Variants in LRRC4C observed in about 807,000 individuals in gnomAD.
LRRC4C encodes leucine rich repeat containing 4C.
LRRC4C carries 5 observed loss-of-function variants against 33.6 expected under a neutral mutation model. That is an observed-to-expected ratio of 0.15 (90% CI 0.08 to 0.31). The LOEUF (loss-of-function observed/expected upper bound fraction) is 0.31. Ranked by LOEUF, LRRC4C falls within the 10% of genes least tolerant of loss-of-function variation. The probability of loss-of-function intolerance (pLI) is 1.00; values close to 1 mark genes in which losing one functional copy is unlikely to be tolerated. For synonymous variants in LRRC4C, 329 were observed against 302.0 expected, an observed-to-expected ratio of 1.09 and a Z score of -0.93; for missense variants, 560 against 796.7, an observed-to-expected ratio of 0.70 and a Z score of 3.58.
chr11:40,467,536 T>C (rs1952710888), intron 3 of LRRC4C, among the ~76,000 whole-genome samples: 1 of 152,172 alleles, frequency 6.6e-6, no homozygotes, highest in African/African-American at 2.4e-5. Flanking sequence ...CTAGGCAAAG[T>C]AGTCTAGACA....
At chr11:41,333,183 C>A (rs1565589310) in intron 1 of LRRC4C, among the ~76,000 whole-genome samples, 1 of 152,100 alleles carries the variant, frequency 6.6e-6, no homozygotes, top group Non-Finnish European at 1.5e-5. Context: ...AAAATATTTT[C>A]TCTAAATGCT....
chr11:40,930,297 T>C (rs1237646228), intron 2 of LRRC4C, among the ~76,000 whole-genome samples: 1 of 152,196 alleles, frequency 6.6e-6, no homozygotes, highest in Non-Finnish European at 1.5e-5. Flanking sequence ...GATTTCACTT[T>C]TTCTTTCTTA....
chr11:41,016,725 G>C (rs954305568), intron 1 of LRRC4C, among the ~76,000 whole-genome samples: 4 of 152,112 alleles, frequency 2.6e-5, no homozygotes, highest in African/African-American at 7.2e-5. Context: ...TCAGCCTGGA[G>C]AATCAGAGGT....
At chr11:41,310,539 T>G (rs930643481) in intron 1 of LRRC4C, among the ~76,000 whole-genome samples, 1 of 152,248 alleles carries the variant, frequency 6.6e-6, no homozygotes, top group Non-Finnish European at 1.5e-5. Flanking sequence ...CAAATTACAG[T>G]ACATTCCTTT....
chr11:40,147,396 A>G (rs1857828930), intron 5 of LRRC4C, among the ~76,000 whole-genome samples: 1 of 152,024 alleles, frequency 6.6e-6, no homozygotes, highest in African/African-American at 2.4e-5. Context: ...TTTTATTATA[A>G]CTATCCAATC....
chr11:40,395,114 A>C (rs1298546115), intron 3 of LRRC4C, among the ~76,000 whole-genome samples: 5 of 152,178 alleles, frequency 3.3e-5, no homozygotes, highest in Non-Finnish European at 1.5e-5. Context: ...TCTTTAAACA[A>C]TGCAACCTCA....
intron 3 of LRRC4C, among the ~76,000 whole-genome samples, chr11:40,622,066 A>C (rs1001889578): frequency 6.6e-6 from 1 of 151,826 alleles, no homozygotes; most frequent in Non-Finnish European, 1.5e-5. Context: ...TTTTACTGAC[A>C]AAGTAACTAA....
chr11:41,332,187 G>C (rs948907557), intron 1 of LRRC4C, among the ~76,000 whole-genome samples: 5 of 152,056 alleles, frequency 3.3e-5, no homozygotes, highest in Admixed American at 6.6e-5. Flanking sequence ...TTTAGGATTA[G>C]AGCCCAAGTT....
intron 1 of LRRC4C, among the ~76,000 whole-genome samples, chr11:41,427,613 G>A (rs11036397): frequency 0.084 from 12,710 of 152,158 alleles, 738 homozygotes; most frequent in Non-Finnish European, 0.11. Flanking sequence ...AGCTTGATAT[G>A]TTTTAGAAAC....
chr11:40,248,941 C>CA lies in LRRC4C; in HGVS notation c.-175-7344_-175-7343insT, dbSNP rs1235059891. Reference sequence around the variant, plus strand: ...GAAGACCACTGCTTGAGATCAGAGACTACAACGGCAGTGACTGCTTTTTTT... The same window carrying CA: ...GAAGACCACTGCTTGAGATCAGAGACATACAACGGCAGTGACTGCTTTTTTT... On this transcript the variant is annotated intron_variant, in intron 4 of 6. Transcript: ENST00000528697. Among the ~76,000 whole-genome samples the CA allele has an allele frequency of 5.9e-5, 9 of 152,236 alleles. No homozygotes were observed. In the East Asian group the frequency reaches 1.7e-3, roughly 29 times the overall value.
At chr11:41,127,792 G>C (rs1942819139) in intron 1 of LRRC4C, among the ~76,000 whole-genome samples, 1 of 152,084 alleles carries the variant, frequency 6.6e-6, no homozygotes, top group East Asian at 1.9e-4. Flanking sequence ...GCTTTTATCA[G>C]CTAGTATTCC....
At position 40,116,166 on chromosome 11, in the gene LRRC4C, G is replaced by A. The variant is rs767793951; in HGVS notation, c.127C>T (p.Arg43Trp). ...LQLLVVAGLVRAQTCPSVCSC... is the reference protein window; with the variant it reads ...LQLLVVAGLVWAQTCPSVCSC... ...CACACAGAAGGGCAGGTCTGAGCCCGCACCAGACCAGCCACCACAAGAAGT... is the reference window on the plus strand; with the variant it reads ...CACACAGAAGGGCAGGTCTGAGCCCACACCAGACCAGCCACCACAAGAAGT... Residue 43 changes from arginine to tryptophan, a missense_variant, in exon 7 of 7, where the codon CGG becomes TGG. Arg to Trp is a moderately radical substitution (Grantham distance 101, BLOSUM62 -3). Coordinates refer to ENST00000528697, the MANE Select transcript of LRRC4C (RefSeq NM_001258419.2). The A allele has an allele frequency of 5.6e-6, 9 of 1,613,592 alleles. No homozygotes were observed. Among genetic ancestry groups the A allele is most frequent in the East Asian group, 2.2e-5 (1 of 44,838 alleles).
intron 2 of LRRC4C, among the ~76,000 whole-genome samples, chr11:40,847,328 C>T (rs1318175806): frequency 1.3e-5 from 2 of 152,088 alleles, no homozygotes; most frequent in Non-Finnish European, 2.9e-5. Context: ...CCATCAATAC[C>T]TAGTTTATTG....
chr11:40,392,862 T>C (rs1172377919), intron 3 of LRRC4C, among the ~76,000 whole-genome samples: 2 of 151,938 alleles, frequency 1.3e-5, no homozygotes, highest in Non-Finnish European at 2.9e-5. Flanking sequence ...ACAATAAATA[T>C]TTGCTGAGTG....
chr11:41,059,378 T>C (rs1858899384), intron 1 of LRRC4C, among the ~76,000 whole-genome samples: 1 of 152,042 alleles, frequency 6.6e-6, no homozygotes, highest in Non-Finnish European at 1.5e-5. Flanking sequence ...ATTATAGCTT[T>C]CTTAAAGAGA....
chr11:40,196,228 A>G (rs916826670), intron 5 of LRRC4C, among the ~76,000 whole-genome samples: 9 of 152,188 alleles, frequency 5.9e-5, no homozygotes, highest in Admixed American at 2.0e-4. Context: ...ACGAAGGGGT[A>G]AAAAAGGATG....
intron 1 of LRRC4C, among the ~76,000 whole-genome samples, chr11:41,358,908 A>C (rs1952253359): frequency 6.6e-6 from 1 of 152,200 alleles, no homozygotes; most frequent in African/African-American, 2.4e-5. Flanking sequence ...TATTCACACA[A>C]AGATCTGCAT....
intron 5 of LRRC4C, among the ~76,000 whole-genome samples, chr11:40,201,210 G>A (rs1862725730): frequency 6.6e-6 from 1 of 152,168 alleles, no homozygotes. Context: ...TTCACACTTG[G>A]CAGTGGGAGC....
At chr11:41,334,959 A>C (rs1951405494) in intron 1 of LRRC4C, among the ~76,000 whole-genome samples, 1 of 152,180 alleles carries the variant, frequency 6.6e-6, no homozygotes, top group African/African-American at 2.4e-5. Flanking sequence ...CTCCCCACTT[A>C]AATGCAAATT....
Sources: allele counts gnomAD v4.1 joint callset (sites outside exome capture counted in the v4.1 genomes callset), GRCh38; gene constraint gnomAD v4.1.1; transcripts MANE v1.5; gene names NCBI Gene and HGNC (gene_info 2026-07-23, HGNC 2026-07-21).